The following ZNF664 variants were observed in gnomAD, a reference collection of about 807,000 sequenced individuals.
The protein encoded by ZNF664 is zinc finger protein 664.
ZNF664 carries 10 observed loss-of-function variants against 18.2 expected under a neutral mutation model. The observed-to-expected ratio is 0.55, with a 90% CI of 0.34 to 0.93. The LOEUF (loss-of-function observed/expected upper bound fraction) is 0.93, where lower values mean the gene tolerates loss of function less well. ZNF664 is among the 40% of genes least tolerant of loss of function. The pLI, the probability that ZNF664 is intolerant of heterozygous loss-of-function variation, is 0.02. For missense variants in ZNF664, 193 were observed against 319.0 expected (o/e 0.61, Z 3.01); for synonymous variants, 119 against 104.2 (o/e 1.14, Z -0.86).
Position 123,988,106 on chromosome 12 carries a change from G to T in ZNF664, c.-693G>T. The T allele has an allele frequency of 2.4e-6, 3 of 1,231,502 alleles. No homozygotes were observed. Among genetic ancestry groups the T allele is most frequent in the Non-Finnish European group, 3.0e-6 (3 of 987,870 alleles). The allele number at this position is 1,231,502 out of a possible 1,614,324, so 76.3% of individuals were successfully genotyped here. On this transcript the variant is annotated 5_prime_UTR_variant, in exon 3 of 5. Coordinates refer to ENST00000337815, the MANE Select transcript of ZNF664 (RefSeq NM_152437.3). Reference sequence around the variant, plus strand: ...GGCCCTGCCTCTGCCTGTTCTTCTGGAATGTCTTGGGGGTTTTGATCCTGT... The same window carrying T: ...GGCCCTGCCTCTGCCTGTTCTTCTGTAATGTCTTGGGGGTTTTGATCCTGT...
intron 2 of ZNF664, among the ~76,000 whole-genome samples, chr12:123,987,008 C>CT (rs1248581392): frequency 6.6e-6 from 1 of 152,204 alleles, no homozygotes; most frequent in Non-Finnish European, 1.5e-5. Flanking sequence ...TATTCAGTCT[C>CT]TGACAGTGCA....
intron 3 of ZNF664, among the ~76,000 whole-genome samples, chr12:124,000,557 G>A (rs1306566155): frequency 6.6e-6 from 1 of 152,178 alleles, no homozygotes; most frequent in Admixed American, 6.5e-5. Flanking sequence ...TAGGGCTGTA[G>A]TGTAATGAAT....
intron 3 of ZNF664, among the ~76,000 whole-genome samples, chr12:124,002,327 G>C (rs1004959944): frequency 6.6e-6 from 1 of 152,204 alleles, no homozygotes; most frequent in Non-Finnish European, 1.5e-5. Flanking sequence ...GGAAGGAGGC[G>C]GTGGCTGGGC....
rs1419396190 is a variant in ZNF664 at position 124,014,116 on chromosome 12, G to T, written c.*1186G>T. ...GATAAGTAAACAAATAAATAATGTAGTTTGAGATAGTGATTAAGTGCTATG... is the reference window on the plus strand; with the variant it reads ...GATAAGTAAACAAATAAATAATGTATTTTGAGATAGTGATTAAGTGCTATG... On this transcript the variant is annotated 3_prime_UTR_variant, in exon 5 of 5. Coordinates refer to ENST00000337815, the MANE Select transcript of ZNF664 (RefSeq NM_152437.3). 6.5e-6 allele frequency: 1 copy of T among 153,674 alleles called. No homozygotes were observed. Among genetic ancestry groups the T allele is most frequent in the Non-Finnish European group, 1.5e-5 (1 of 64,968 alleles). The allele number at this position is 153,674 out of a possible 1,614,324, so 9.5% of individuals were successfully genotyped here.
At chr12:123,988,185 C>T (rs1956846517) in intron 3 of ZNF664, 47 bp downstream of exon 3, 1 of 1,230,096 alleles carries the variant, frequency 8.1e-7, no homozygotes, top group Admixed American at 4.2e-5. Context: ...GGAGAATCCC[C>T]CTTGAGTATT....
intron 3 of ZNF664, among the ~76,000 whole-genome samples, chr12:123,990,994 G>A (rs76106459): frequency 1.8e-3 from 276 of 152,288 alleles, no homozygotes; most frequent in African/African-American, 6.1e-3. Flanking sequence ...TTTCATAGCC[G>A]AGTAAACTGA....
rs1956640909 is a variant in ZNF664, at chr12:123,973,945, C to T, written c.-832C>T. ...CGCTCAGGTGATGAGGAACCCCTCG[C>T]GCACCCAGCGCAGAAGGCTGCTGCC... On this transcript the variant is annotated 5_prime_UTR_variant, in exon 2 of 5. Transcript: ENST00000337815. 1.6e-6 allele frequency: 2 copies of T among 1,231,920 alleles called. No homozygotes were observed. The highest frequency in any genetic ancestry group is 2.0e-6 in the Non-Finnish European group (2 of 988,098). The allele number at this position is 1,231,920 out of a possible 1,614,324, so 76.3% of individuals were successfully genotyped here. A position where few individuals can be genotyped will look rare whatever the true frequency, so the allele number is the denominator to read the frequency against.
At chr12:123,984,770 T>TA (rs1238316587) in intron 2 of ZNF664, among the ~76,000 whole-genome samples, 2 of 151,980 alleles carry the variant, frequency 1.3e-5, no homozygotes, top group African/African-American at 2.4e-5. Context: ...CAGTTGGAGA[T>TA]ACAGGTAAGA....
chr12:123,981,475 C>T (rs895095296), intron 2 of ZNF664, among the ~76,000 whole-genome samples: 5 of 152,178 alleles, frequency 3.3e-5, no homozygotes, highest in Non-Finnish European at 5.9e-5. Context: ...ACATGCTCAG[C>T]CCCCTCTCAT....
At chr12:123,982,070 CA>C (rs1956771456) in intron 2 of ZNF664, among the ~76,000 whole-genome samples, 1 of 152,176 alleles carries the variant, frequency 6.6e-6, no homozygotes, top group Non-Finnish European at 1.5e-5. Context: ...TTTTGTCAGT[CA>C]TCCTGTTGTC....
intron 2 of ZNF664, among the ~76,000 whole-genome samples, chr12:123,979,430 T>C (rs1176628662): frequency 1.3e-5 from 2 of 152,180 alleles, no homozygotes; most frequent in Admixed American, 6.5e-5. Flanking sequence ...ACCTAATACA[T>C]TGTTGGGACA....
chr12:123,980,422 T>TG (rs1956750307), intron 2 of ZNF664, among the ~76,000 whole-genome samples: 1 of 152,216 alleles, frequency 6.6e-6, no homozygotes, highest in Non-Finnish European at 1.5e-5. Flanking sequence ...GTCAAGAGTC[T>TG]TAAAATTATT....
chr12:123,998,984 A>G (rs1956981431), intron 3 of ZNF664, among the ~76,000 whole-genome samples: 2 of 152,220 alleles, frequency 1.3e-5, no homozygotes, highest in South Asian at 4.1e-4. Flanking sequence ...GACTAGGGAT[A>G]TAGGGATCTT....
At chr12:124,010,649 A>T (rs1200224745) in intron 3 of ZNF664, among the ~76,000 whole-genome samples, 1 of 152,242 alleles carries the variant, frequency 6.6e-6, no homozygotes, top group Non-Finnish European at 1.5e-5. Flanking sequence ...AACACCTCTC[A>T]TTGCCAGGTT....
At chr12:123,998,812 T>C (rs1956979222) in intron 3 of ZNF664, 1 of 152,484 alleles carries the variant, frequency 6.6e-6, no homozygotes, top group Non-Finnish European at 1.5e-5. Context: ...GGTAAATAAA[T>C]GTGGAATATG....
chr12:124,007,243 G>A (rs373921653), intron 3 of ZNF664, among the ~76,000 whole-genome samples: 5 of 152,218 alleles, frequency 3.3e-5, no homozygotes, highest in East Asian at 1.9e-4. Context: ...AGTGCCTGAT[G>A]CCTGAAGAAG....
At chr12:124,011,322 T>C (rs772806665) in intron 3 of ZNF664, 59 bp from the exon 4 acceptor site, 35 of 963,706 alleles carry the variant, frequency 3.6e-5, no homozygotes, top group South Asian at 9.7e-5. Context: ...GTTATTGTAA[T>C]TGGATTATAT....
chr12:124,004,007 G>T (rs537047524), intron 3 of ZNF664, among the ~76,000 whole-genome samples: 15 of 152,344 alleles, frequency 9.8e-5, no homozygotes, highest in African/African-American at 3.4e-4. Context: ...GAGAGTTCTG[G>T]TGAGCGCAGA....
chr12:123,993,722 G>A (rs1956914526), intron 3 of ZNF664, among the ~76,000 whole-genome samples: 1 of 152,142 alleles, frequency 6.6e-6, no homozygotes, highest in Admixed American at 6.5e-5. Context: ...TATTTTTTGG[G>A]TGTGTGCCAA....
Sources: gnomAD v4.1 joint callset for allele counts (sites outside exome capture counted in the v4.1 genomes callset) on GRCh38, gnomAD v4.1.1 for gene constraint, MANE v1.5 for transcripts, NCBI Gene and HGNC (gene_info 2026-07-23, HGNC 2026-07-21) for gene names.